Variants in PARD3B observed in about 807,000 individuals in gnomAD.
PARD3B encodes partitioning defective 3 homolog B.
PARD3B carries 103 observed loss-of-function variants against 130.2 expected under a neutral mutation model. The observed-to-expected ratio is 0.79, with a 90% CI of 0.67 to 0.93. The LOEUF is 0.93. PARD3B is among the 40% of genes least tolerant of loss of function. The pLI, the probability that PARD3B is intolerant of heterozygous loss-of-function variation, is 0.00. For missense variants in PARD3B, 1,609 were observed against 1,499.2 expected (o/e 1.07, Z -1.21); for synonymous variants, 583 against 553.2 (o/e 1.05, Z -0.76).
At chr2:204,935,373 CAAAAAAAAA>C (rs3067765) in intron 2 of PARD3B, among the ~76,000 whole-genome samples, 1 of 129,016 alleles carries the variant, frequency 7.8e-6, no homozygotes, top group East Asian at 2.3e-4. Context: ...ACTAAAAATA[CAAAAAAAAA>C]AAAAAAATTA....
intron 2 of PARD3B, among the ~76,000 whole-genome samples, chr2:204,905,917 G>A (rs770698795): frequency 4.6e-5 from 7 of 152,176 alleles, no homozygotes; most frequent in Admixed American, 6.5e-5. Context: ...AAGCAGTTAA[G>A]TCAGTGGAAA....
chr2:205,312,437 G>A (rs1350390572), intron 18 of PARD3B, among the ~76,000 whole-genome samples: 1 of 152,158 alleles, frequency 6.6e-6, no homozygotes, highest in Non-Finnish European at 1.5e-5. Context: ...TGACAACAGA[G>A]AGCCTTACAG....
At chr2:204,696,500 T>A (rs893658473) in intron 2 of PARD3B, among the ~76,000 whole-genome samples, 1 of 152,076 alleles carries the variant, frequency 6.6e-6, no homozygotes, top group East Asian at 1.9e-4. Context: ...ATATTGTGAA[T>A]CCAACAAGAC....
intron 2 of PARD3B, among the ~76,000 whole-genome samples, chr2:204,750,627 TACATAC>T (rs1284162479): frequency 1.1e-4 from 15 of 138,864 alleles, no homozygotes; most frequent in Middle Eastern, 3.3e-3. Context: ...CATACATACA[TACATAC>T]ACACACACAT....
At chr2:205,282,469 A>G (rs1359600141) in intron 16 of PARD3B, among the ~76,000 whole-genome samples, 1 of 145,812 alleles carries the variant, frequency 6.9e-6, no homozygotes, top group Non-Finnish European at 1.5e-5. Context: ...ATTAATATAT[A>G]TATATATATT....
rs185565139 is a variant in PARD3B at position 205,108,147 on chromosome 2, G to T, written c.593+3633G>T. Among the ~76,000 whole-genome samples the T allele has an allele frequency of 1.9e-3, 291 of 152,198 alleles. 1 individual carries two copies. The highest frequency in any genetic ancestry group is 6.8e-3 in the Middle Eastern group (2 of 294). On this transcript the variant is annotated intron_variant, in intron 5 of 22. Transcript: ENST00000406610. ...CCCCATGTTTTGATGCTTTATTCCTGTAATCATTGCTCAAGCCTCTGTTAC... is the reference window on the plus strand; with the variant it reads ...CCCCATGTTTTGATGCTTTATTCCTTTAATCATTGCTCAAGCCTCTGTTAC...
chr2:204,985,508 A>G (rs1477863531), intron 3 of PARD3B, among the ~76,000 whole-genome samples: 2 of 152,304 alleles, frequency 1.3e-5, no homozygotes, highest in South Asian at 4.2e-4. Flanking sequence ...AGAGGAGAAA[A>G]TGTCATAATG....
At chr2:205,415,743 A>G (rs531857394) in intron 19 of PARD3B, among the ~76,000 whole-genome samples, 1 of 152,246 alleles carries the variant, frequency 6.6e-6, no homozygotes, top group East Asian at 1.9e-4. Context: ...TTTTTTTTTA[A>G]TTGTGACATA....
At chr2:204,613,305 T>C (rs1256045769) in intron 1 of PARD3B, among the ~76,000 whole-genome samples, 1 of 152,176 alleles carries the variant, frequency 6.6e-6, no homozygotes, top group Non-Finnish European at 1.5e-5. Context: ...TCAGTATTAT[T>C]GTTGAGAAGG....
chr2:204,760,834 AAGT>A (rs2040868300), intron 2 of PARD3B, among the ~76,000 whole-genome samples: 1 of 152,150 alleles, frequency 6.6e-6, no homozygotes, highest in Non-Finnish European at 1.5e-5. Context: ...AATTCAAGTG[AAGT>A]AGTACTTTCA....
intron 18 of PARD3B, among the ~76,000 whole-genome samples, chr2:205,390,769 C>G (rs2045830359): frequency 6.6e-6 from 1 of 152,110 alleles, no homozygotes; most frequent in African/African-American, 2.4e-5. Flanking sequence ...GTTCTCCATG[C>G]ATAACAAGGC....
At chr2:204,652,563 T>C (rs973662949) in intron 1 of PARD3B, among the ~76,000 whole-genome samples, 1 of 152,214 alleles carries the variant, frequency 6.6e-6, no homozygotes, top group African/African-American at 2.4e-5. Flanking sequence ...TTCCCACATC[T>C]TCCTGTCTCT....
In PARD3B at chr2:205,158,795, A is replaced by G. The variant is rs1245917683; in HGVS notation, c.1508A>G (p.Asp503Gly). 1.2e-6 allele frequency: 2 copies of G among 1,614,164 alleles called. No individual in the cohort carries two copies. The highest frequency in any genetic ancestry group is 1.7e-6 in the Non-Finnish European group (2 of 1,180,008). ...EQLTFEIPLNDSGSAGLGVSL... is the reference protein window; with the variant it reads ...EQLTFEIPLNGSGSAGLGVSL... ...CTCACCTTTGAGATCCCCCTGAATG[A>G]TTCAGGTTCTGCTGGCCTCGGGGTG... The change falls in exon 11 of 23, where the codon GAT becomes GGT. Residue 503 changes from aspartate (D) to glycine (G), a missense_variant. By Grantham distance (94) the Asp-to-Gly change is moderately conservative. Coordinates refer to ENST00000406610, the MANE Select transcript of PARD3B (RefSeq NM_001302769.2). The surrounding 1 kb of genome is among the most constrained non-coding windows in gnomAD (Gnocchi z 5.4).
chr2:204,666,014 A>G (rs931643417), intron 1 of PARD3B, among the ~76,000 whole-genome samples: 6 of 152,210 alleles, frequency 3.9e-5, no homozygotes, highest in African/African-American at 1.2e-4. Flanking sequence ...GGTACTAACC[A>G]TTCTTTGTCT....
intron 2 of PARD3B, among the ~76,000 whole-genome samples, chr2:204,828,175 C>T (rs2043665458): frequency 6.6e-6 from 1 of 152,204 alleles, no homozygotes; most frequent in African/African-American, 2.4e-5. Context: ...TGATGCATCA[C>T]AGTTAACCTC....
intron 1 of PARD3B, among the ~76,000 whole-genome samples, chr2:204,585,164 C>T (rs1310082911): frequency 1.3e-5 from 2 of 152,180 alleles, no homozygotes; most frequent in Non-Finnish European, 2.9e-5. Context: ...TCTTGTCTTC[C>T]ACCAATGCTT....
At chr2:205,033,365 C>T (rs1298336333) in intron 3 of PARD3B, among the ~76,000 whole-genome samples, 1 of 151,926 alleles carries the variant, frequency 6.6e-6, no homozygotes, top group Non-Finnish European at 1.5e-5. Context: ...TAACCAGTTC[C>T]TCAATACTTG....
chr2:205,465,605 G>T (rs1303186464), intron 20 of PARD3B, among the ~76,000 whole-genome samples: 1 of 152,158 alleles, frequency 6.6e-6, no homozygotes, highest in Non-Finnish European at 1.5e-5. Context: ...AGCTCTTGCC[G>T]CAATTACTGG....
chr2:204,706,189 A>G (rs201388012), intron 2 of PARD3B, among the ~76,000 whole-genome samples: 1 of 151,968 alleles, frequency 6.6e-6, no homozygotes, highest in East Asian at 1.9e-4. Flanking sequence ...AACACAGTGA[A>G]ACGCTGTCTC....
Sources: allele counts gnomAD v4.1 joint callset (sites outside exome capture counted in the v4.1 genomes callset), GRCh38; gene constraint gnomAD v4.1.1; non-coding constraint Gnocchi (gnomAD v3.1); transcripts MANE v1.5; gene names NCBI Gene and HGNC (gene_info 2026-07-23, HGNC 2026-07-21).